CIMAP1D: variants seen among roughly 807,000 people sequenced by gnomAD.
CIMAP1D encodes the protein CIMAP1 family member D.
At chr19:475,332 G>A in the CIMAP1D span, among the ~76,000 whole-genome samples, 1 of 152,252 alleles carries the variant, frequency 6.6e-6, no homozygotes, top group African/African-American at 2.4e-5. Flanking sequence ...TGGGGGTGGT[G>A]AGAACTGGAC....
At chr19:484,228 C>T in the CIMAP1D span, among the ~76,000 whole-genome samples, 1 of 150,358 alleles carries the variant, frequency 6.7e-6, no homozygotes, top group Non-Finnish European at 1.5e-5. Flanking sequence ...ACAATCTCTG[C>T]CTCCCGGGCT....
chr19:463,881 CG>C, the CIMAP1D span: 2 of 1,610,812 alleles, frequency 1.2e-6, no homozygotes, highest in Non-Finnish European at 1.7e-6. Context: ...CCCCGCAGGC[CG>C]GGAGGGCGTG....
the CIMAP1D span, chr19:463,461 G>C: frequency 3.4e-6 from 1 of 291,000 alleles, no homozygotes; most frequent in South Asian, 5.4e-5. Flanking sequence ...GGCTGGGACC[G>C]GGGCTAACCC....
chr19:476,926 G>C, the CIMAP1D span, among the ~76,000 whole-genome samples: 4 of 152,174 alleles, frequency 2.6e-5, no homozygotes, highest in African/African-American at 7.2e-5. Context: ...AGAAAAGAAG[G>C]CTGGGCACAG....
the CIMAP1D span, among the ~76,000 whole-genome samples, chr19:470,015 C>G: frequency 3.9e-5 from 6 of 152,052 alleles, no homozygotes; most frequent in African/African-American, 1.4e-4. Flanking sequence ...TCTGGGGGCT[C>G]CACCAAACTC....
chr19:471,993 G>C, the CIMAP1D span, among the ~76,000 whole-genome samples: 1 of 152,184 alleles, frequency 6.6e-6, no homozygotes, highest in African/African-American at 2.4e-5. Flanking sequence ...TGATCCGCCT[G>C]CCTCAGCCTC....
chr19:486,420 C>CTGATTGATAGAT, the CIMAP1D span, among the ~76,000 whole-genome samples: 1 of 151,892 alleles, frequency 6.6e-6, no homozygotes, highest in South Asian at 2.1e-4. Flanking sequence ...CCTTGGACCA[C>CTGATTGATAGAT]TGATTGATTG....
At chr19:463,993 C>T in the CIMAP1D span, 16 of 1,609,808 alleles carry the variant, frequency 9.9e-6, no homozygotes, top group Middle Eastern at 1.7e-4. Flanking sequence ...CAGTGGGCGC[C>T]AGGGCCGGGG....
At chr19:465,019 G>C in the CIMAP1D span, among the ~76,000 whole-genome samples, 1 of 151,264 alleles carries the variant, frequency 6.6e-6, no homozygotes, top group Non-Finnish European at 1.5e-5. Flanking sequence ...TGGGCGGATG[G>C]ATGGATGGAT....
At chr19:466,352 A>AGATG in the CIMAP1D span, among the ~76,000 whole-genome samples, 7 of 21,566 alleles carry the variant, frequency 3.2e-4, no homozygotes, top group Admixed American at 6.7e-4. Context: ...ATGAGTGGAT[A>AGATG]GATGGGTGGG....
chr19:477,811 C>T, the CIMAP1D span, among the ~76,000 whole-genome samples: 2 of 152,180 alleles, frequency 1.3e-5, no homozygotes, highest in African/African-American at 2.4e-5. Flanking sequence ...TGCAGACACG[C>T]GCCACGCCAC....
the CIMAP1D span, chr19:463,937 A>C: frequency 1.2e-6 from 2 of 1,611,522 alleles, no homozygotes; most frequent in Non-Finnish European, 1.7e-6. Flanking sequence ...GGATGCCCAT[A>C]GAGAACGCTG....
chr19:483,540 C>T, the CIMAP1D span, among the ~76,000 whole-genome samples: 3 of 152,184 alleles, frequency 2.0e-5, no homozygotes, highest in Admixed American at 2.0e-4. Flanking sequence ...GGTTCCCAAC[C>T]CAGGTGATTG....
At chr19:463,403 T>G in the CIMAP1D span, 1 of 207,006 alleles carries the variant, frequency 4.8e-6, no homozygotes, top group Non-Finnish European at 9.5e-6. Flanking sequence ...CTGTAGAAGG[T>G]GGAGTGGGAA....
the CIMAP1D span, among the ~76,000 whole-genome samples, chr19:485,928 C>T: frequency 6.6e-6 from 1 of 151,742 alleles, no homozygotes; most frequent in African/African-American, 2.4e-5. Flanking sequence ...CTTTGTCCGG[C>T]GGCCAGCCCC....
chr19:480,491 T>TAAGGATGATGGAG, the CIMAP1D span, among the ~76,000 whole-genome samples: 5,515 of 70,414 alleles, frequency 0.078, 169 homozygotes, highest in South Asian at 0.12. Flanking sequence ...AGGATGATGG[T>TAAGGATGATGGAG]AAGGATGATG....
the CIMAP1D span, among the ~76,000 whole-genome samples, chr19:488,543 G>C: frequency 6.6e-6 from 1 of 152,244 alleles, no homozygotes; most frequent in Non-Finnish European, 1.5e-5. Context: ...AAGTAAATCA[G>C]TGTGGAACTA....
At chr19:482,757 T>G in the CIMAP1D span, among the ~76,000 whole-genome samples, 1 of 152,016 alleles carries the variant, frequency 6.6e-6, no homozygotes, top group Non-Finnish European at 1.5e-5. Context: ...AGGACTCAAG[T>G]CCAGAATGTT....
chr19:481,265 AGAT>A, the CIMAP1D span, among the ~76,000 whole-genome samples: 1 of 128,502 alleles, frequency 7.8e-6, no homozygotes, highest in Non-Finnish European at 1.6e-5. Context: ...TGATGGGAAA[AGAT>A]GATGGGAAAG....
Sources: gnomAD v4.1 joint callset for allele counts (sites outside exome capture counted in the v4.1 genomes callset) on GRCh38, gnomAD v4.1.1 for gene constraint, MANE v1.5 for transcripts, NCBI Gene and HGNC (gene_info 2026-07-23, HGNC 2026-07-21) for gene names.